Variants in KIAA2012 observed in about 807,000 individuals in gnomAD.
The protein encoded by KIAA2012 is uncharacterized protein KIAA2012.
Under a neutral mutation model 150.6 loss-of-function variants are expected in KIAA2012, and 125 were observed. That is an observed-to-expected ratio of 0.83 (90% confidence interval 0.72 to 0.96). The LOEUF (loss-of-function observed/expected upper bound fraction) is 0.96. Among genes scored for constraint, KIAA2012 ranks in the 40% least tolerant of loss-of-function variants. The probability of loss-of-function intolerance (pLI) is 0.00; values close to 1 mark genes in which losing one functional copy is unlikely to be tolerated. For synonymous variants in KIAA2012, 462 were observed against 504.7 expected (o/e 0.92, Z 1.13); for missense variants, 1,219 against 1,354.9 (o/e 0.90, Z 1.57).
At chr2:202,143,453 A>G (rs889287989) in intron 13 of KIAA2012, among the ~76,000 whole-genome samples, 72 of 152,220 alleles carry the variant, frequency 4.7e-4, no homozygotes, top group African/African-American at 1.7e-3. Context: ...AAAAAAAAAA[A>G]ATGTATCTAT....
At chr2:202,099,522 C>T in intron 5 of KIAA2012, 91 bp from the exon 6 acceptor site, 1 of 1,058,712 alleles carries the variant, frequency 9.4e-7, no homozygotes, top group Non-Finnish European at 1.3e-6. Context: ...ATCCTTGAAA[C>T]CATAAGCCTA....
intron 11 of KIAA2012, among the ~76,000 whole-genome samples, chr2:202,117,744 C>G (rs535793963): frequency 1.2e-4 from 18 of 152,276 alleles, no homozygotes; most frequent in African/African-American, 3.9e-4. Context: ...AGGAAAGGTT[C>G]TAGGGCCAGA....
intron 10 of KIAA2012, among the ~76,000 whole-genome samples, chr2:202,112,453 G>A (rs141680489): frequency 1.0e-3 from 158 of 152,264 alleles, no homozygotes; most frequent in African/African-American, 3.6e-3. Flanking sequence ...TGAGTTCTGC[G>A]AGCTGTCCTA....
intron 13 of KIAA2012, among the ~76,000 whole-genome samples, chr2:202,146,540 A>G (rs1212885915): frequency 2.0e-5 from 3 of 151,534 alleles, no homozygotes. Flanking sequence ...CCTGAGGCAG[A>G]AGAATCTCTT....
chr2:202,097,240 C>T (rs183910346), intron 4 of KIAA2012, among the ~76,000 whole-genome samples, 195 bp from the exon 5 acceptor site: 3 of 152,348 alleles, frequency 2.0e-5, no homozygotes, highest in Admixed American at 6.5e-5. Flanking sequence ...ACTGCCAGTG[C>T]AGCTCTGTTT....
chr2:202,195,001 G>A (rs537236733), intron 21 of KIAA2012, among the ~76,000 whole-genome samples: 2 of 151,662 alleles, frequency 1.3e-5, no homozygotes, highest in South Asian at 4.2e-4. Flanking sequence ...AACTCCTGAC[G>A]TCATGATCTG....
intron 14 of KIAA2012, among the ~76,000 whole-genome samples, chr2:202,161,002 A>G (rs556300308): frequency 1.4e-4 from 21 of 152,278 alleles, no homozygotes; most frequent in Non-Finnish European, 2.9e-4. Context: ...TAACATGCCC[A>G]GCAGGGGGGC....
At chr2:202,171,230 C>A (rs1691883769) in intron 15 of KIAA2012, among the ~76,000 whole-genome samples, 1 of 150,554 alleles carries the variant, frequency 6.6e-6, no homozygotes, top group Non-Finnish European at 1.5e-5. Flanking sequence ...CACACCCCAA[C>A]TAGAGAAATA....
intron 15 of KIAA2012, among the ~76,000 whole-genome samples, chr2:202,172,385 G>A (rs756248542): frequency 5.9e-5 from 9 of 152,184 alleles, no homozygotes; most frequent in Non-Finnish European, 1.0e-4. Context: ...GTTTCTGAGA[G>A]GAAATAGTAA....
chr2:202,141,331 T>C lies in KIAA2012; in HGVS notation c.1908+2823T>C, dbSNP rs1575032819. The stretch of plus-strand genomic sequence containing the variant: ...GCGAATCCATCAAAAGAAACGAGAG[T>C]AGCAACTGATATCAGCAACTTCCTA... On this transcript the variant is annotated intron_variant, in intron 13 of 23. Coordinates refer to ENST00000498697, the MANE Select transcript of KIAA2012 (RefSeq NM_001277372.4). Among the ~76,000 whole-genome samples, 4 of 150,070 alleles carry C rather than the reference T, an allele frequency of 2.7e-5. No individual in the cohort carries two copies. In the South Asian group the frequency reaches 8.5e-4, roughly 32 times the overall value.
At chr2:202,129,050 G>T (rs1690864302) in intron 12 of KIAA2012, among the ~76,000 whole-genome samples, 1 of 151,932 alleles carries the variant, frequency 6.6e-6, no homozygotes, top group African/African-American at 2.4e-5. Context: ...GGTGGCAGAG[G>T]TTGCGGTAAG....
In KIAA2012 at chr2:202,190,238, G is replaced by T; in HGVS notation, c.2556G>T (p.Arg852Ser). Residue 852 changes from arginine to serine, a missense_variant, in exon 19 of 24, where the codon AGG becomes AGT. Transcript: ENST00000498697. ...AAAAAACAAGACCCCAAAGGAAAAGGACACAGAAGGAAAGAAATCTGGAGA... is the reference window on the plus strand; with the variant it reads ...AAAAAACAAGACCCCAAAGGAAAAGTACACAGAAGGAAAGAAATCTGGAGA... ...LEKKTRPQRK[R>S]TQKERNLEIA... The T allele has an allele frequency of 1.3e-6, 2 of 1,545,650 alleles. No individual in the cohort carries two copies. The highest frequency in any genetic ancestry group is 1.7e-6 in the Non-Finnish European group (2 of 1,145,934).
Position 202,138,482 on chromosome 2 carries a change from C to A in KIAA2012, c.1882C>A (p.Pro628Thr). ...NLHMNLYETS[P>T]LTQTTEKQGA... Reference sequence around the variant, plus strand: ...TCACATGAACCTTTATGAAACCTCACCGTTGACCCAAACAACAGAGAAGCA... The same window carrying A: ...TCACATGAACCTTTATGAAACCTCAACGTTGACCCAAACAACAGAGAAGCA... Residue 628 changes from proline to threonine, a missense_variant, in exon 13 of 24, where the codon CCG becomes ACG. Coordinates refer to ENST00000498697, the MANE Select transcript of KIAA2012 (RefSeq NM_001277372.4). The A allele has an allele frequency of 1.9e-6, 3 of 1,550,370 alleles. No homozygotes were observed. The South Asian group carries it at 3.6e-5, about 18-fold the overall frequency.
chr2:202,125,826 A>G (rs766814254), intron 12 of KIAA2012: 4 of 450,974 alleles, frequency 8.9e-6, no homozygotes, highest in Non-Finnish European at 1.8e-5. Flanking sequence ...CTCCACCCAC[A>G]GACATGGCTG....
rs1575021848 is a variant in KIAA2012, at chr2:202,118,469, A to C, written c.1762+5023A>C. 2.6e-5 allele frequency among the ~76,000 whole-genome samples: 4 copies of C among 152,210 alleles called. No homozygotes were observed. The South Asian group carries it at 8.3e-4, about 32-fold the overall frequency. ...TTTTCTGCCAATTAGATGTGCTTGC[A>C]TGAGATTTGGAGAGCAGAAGTGAGG... On this transcript the variant is annotated intron_variant, in intron 11 of 23. Transcript: ENST00000498697.
intron 14 of KIAA2012, among the ~76,000 whole-genome samples, chr2:202,160,344 C>T (rs1217619444): frequency 8.0e-4 from 106 of 132,912 alleles, no homozygotes; most frequent in African/African-American, 2.9e-3. Context: ...GATGGAGTCT[C>T]GCTCTGTCAC....
intron 16 of KIAA2012, among the ~76,000 whole-genome samples, chr2:202,185,661 C>T (rs1185225373): frequency 6.6e-6 from 1 of 151,932 alleles, no homozygotes; most frequent in Non-Finnish European, 1.5e-5. Flanking sequence ...AAAACACAAA[C>T]TTTTCACAAA....
In KIAA2012 at chr2:202,190,252, G is replaced by C. The variant is rs1166716704; in HGVS notation, c.2570G>C (p.Arg857Thr). 1.3e-6 allele frequency: 2 copies of C among 1,548,966 alleles called. No individual in the cohort carries two copies. The highest frequency in any genetic ancestry group is 1.7e-6 in the Non-Finnish European group (2 of 1,146,672). The change falls in exon 19 of 24, where the codon AGA (arginine) becomes ACA (threonine). Residue 857 changes from arginine to threonine, a missense_variant. By Grantham distance (71) the Arg-to-Thr change is moderately conservative. Transcript: ENST00000498697. The stretch of plus-strand genomic sequence containing the variant: ...CAAAGGAAAAGGACACAGAAGGAAA[G>C]AAATCTGGAGATAGCGGCAGAGCTG... ...RPQRKRTQKE[R>T]NLEIAAELSG...
chr2:202,146,081 T>C (rs1460685819), intron 13 of KIAA2012, among the ~76,000 whole-genome samples: 2 of 152,172 alleles, frequency 1.3e-5, no homozygotes, highest in Admixed American at 1.3e-4. Flanking sequence ...CCCCATGTAG[T>C]TGGTACAGTT....
Sources: gnomAD v4.1 joint callset for allele counts (sites outside exome capture counted in the v4.1 genomes callset) on GRCh38, gnomAD v4.1.1 for gene constraint, MANE v1.5 for transcripts, NCBI Gene and HGNC (gene_info 2026-07-23, HGNC 2026-07-21) for gene names.